ELAPOR2: variants seen among roughly 807,000 people sequenced by gnomAD.
ELAPOR2 encodes the protein endosome-lysosome associated apoptosis and autophagy regulator family member 2, also known as endosome/lysosome-associated apoptosis and autophagy regulator family member 2.
Under a neutral mutation model 120.7 loss-of-function variants are expected in ELAPOR2, and 89 were observed. That is an observed-to-expected ratio of 0.74 (90% CI 0.62 to 0.88). The LOEUF (loss-of-function observed/expected upper bound fraction) is 0.88. ELAPOR2 is among the 40% of genes least tolerant of loss of function. The probability of loss-of-function intolerance (pLI) is 0.00; values close to 1 mark genes in which losing one functional copy is unlikely to be tolerated. For missense variants in ELAPOR2, 1,134 were observed against 1,251.6 expected (o/e 0.91, Z 1.42); for synonymous variants, 444 against 444.9 (o/e 1.00, Z 0.03).
intron 1 of ELAPOR2, among the ~76,000 whole-genome samples, chr7:86,986,633 T>C (rs1792750725): frequency 6.7e-6 from 1 of 149,798 alleles, no homozygotes; most frequent in African/African-American, 2.5e-5. Flanking sequence ...GAAATCCAAC[T>C]TACAAGGGAT....
At chr7:87,040,810 A>C (rs1210970601) in intron 1 of ELAPOR2, among the ~76,000 whole-genome samples, 2 of 152,134 alleles carry the variant, frequency 1.3e-5, no homozygotes, top group Non-Finnish European at 2.9e-5. Flanking sequence ...CAATCAAATT[A>C]CTCTGAGCTA....
At chr7:86,898,447 G>C (rs1251695550) in intron 18 of ELAPOR2, among the ~76,000 whole-genome samples, 1 of 149,362 alleles carries the variant, frequency 6.7e-6, no homozygotes, top group Non-Finnish European at 1.5e-5. Flanking sequence ...CCACATCCCT[G>C]AATACTCTAA....
intron 1 of ELAPOR2, among the ~76,000 whole-genome samples, chr7:86,998,851 G>GT (rs397942440): frequency 0.033 from 4,763 of 146,428 alleles, 124 homozygotes; most frequent in African/African-American, 0.069. Context: ...ATAGTTCCTT[G>GT]TTTTTTTTTT....
intron 10 of ELAPOR2, among the ~76,000 whole-genome samples, chr7:86,923,827 A>G (rs972557960): frequency 2.0e-5 from 3 of 152,124 alleles, no homozygotes; most frequent in Admixed American, 2.0e-4. Flanking sequence ...GAACATCTTC[A>G]TGAATAAAAA....
intron 1 of ELAPOR2, among the ~76,000 whole-genome samples, chr7:87,009,595 T>G (rs532450820): frequency 1.3e-5 from 2 of 152,266 alleles, no homozygotes; most frequent in South Asian, 4.1e-4. Context: ...AATGGCTATT[T>G]CAAAAATAAA....
intron 1 of ELAPOR2, 146 bp from the exon 2 acceptor site, chr7:86,965,170 T>A: frequency 2.6e-6 from 2 of 765,572 alleles, no homozygotes; most frequent in Non-Finnish European, 4.3e-6. Context: ...ACCAAGCAGC[T>A]TATTGATCAA....
chr7:87,058,577 C>T (rs1000200146), intron 1 of ELAPOR2, among the ~76,000 whole-genome samples: 4 of 152,146 alleles, frequency 2.6e-5, no homozygotes, highest in African/African-American at 9.7e-5. Flanking sequence ...AAAATCTCAT[C>T]TCCCATAGTT....
Position 86,986,237 on chromosome 7 carries a change from G to A in ELAPOR2, c.190-21213C>T, listed in dbSNP as rs1422285548. Among the ~76,000 whole-genome samples, 32 of 119,458 alleles carry A rather than the reference G, an allele frequency of 2.7e-4. 9 individuals carry two copies. The highest frequency in any genetic ancestry group is 1.0e-3 in the African/African-American group (27 of 26,084). The allele number at this position is 119,458 out of a possible 152,430, so 78.4% of individuals were successfully genotyped here. On this transcript the variant is annotated intron_variant, in intron 1 of 21. Transcript: ENST00000450689. Reference sequence around the variant, plus strand: ...GAGGTCAGGAGATCGAGACCATCCCGGCTAAAATGGTGAAACCCCGTCTCT... The same window carrying A: ...GAGGTCAGGAGATCGAGACCATCCCAGCTAAAATGGTGAAACCCCGTCTCT...
intron 2 of ELAPOR2, among the ~76,000 whole-genome samples, chr7:86,948,392 C>T (rs1384907014): frequency 6.6e-6 from 1 of 152,138 alleles, no homozygotes; most frequent in Non-Finnish European, 1.5e-5. Flanking sequence ...AGTGGATAAG[C>T]ACATATTAAG....
At chr7:86,910,025 A>G (rs760183044) in intron 15 of ELAPOR2, 24 bp from the exon 16 acceptor site, 10 of 1,575,500 alleles carry the variant, frequency 6.3e-6, no homozygotes, top group Non-Finnish European at 8.7e-6. Flanking sequence ...GTCATAAAAG[A>G]AAGGTTTTAT....
chr7:87,034,747 CA>C (rs780848533), intron 1 of ELAPOR2, among the ~76,000 whole-genome samples: 5 of 152,080 alleles, frequency 3.3e-5, no homozygotes, highest in Non-Finnish European at 7.4e-5. Context: ...TGTGTTTTTA[CA>C]CTGTAGCATT....
chr7:86,953,987 T>A (rs1025899835), intron 2 of ELAPOR2, among the ~76,000 whole-genome samples: 2 of 152,318 alleles, frequency 1.3e-5, no homozygotes, highest in African/African-American at 4.8e-5. Flanking sequence ...TTTCTGACAT[T>A]TATTTCTGCT....
At chr7:86,887,484 G>A (rs1034892726) in intron 21 of ELAPOR2, among the ~76,000 whole-genome samples, 1 of 151,882 alleles carries the variant, frequency 6.6e-6, no homozygotes, top group Non-Finnish European at 1.5e-5. Context: ...AACTGTTCAG[G>A]GTATGGTGTT....
At chr7:87,029,317 T>C (rs553649583) in intron 1 of ELAPOR2, among the ~76,000 whole-genome samples, 5 of 152,192 alleles carry the variant, frequency 3.3e-5, no homozygotes, top group African/African-American at 9.7e-5. Context: ...AATGGCACTT[T>C]GAAATATAGC....
intron 19 of ELAPOR2, 117 bp downstream of exon 19, chr7:86,897,389 T>C: frequency 8.0e-7 from 1 of 1,255,476 alleles, no homozygotes; most frequent in Non-Finnish European, 1.1e-6. Flanking sequence ...TGCCTACCAA[T>C]GTAACATTAA....
At chr7:87,000,071 G>A (rs1220573696) in intron 1 of ELAPOR2, among the ~76,000 whole-genome samples, 1 of 152,090 alleles carries the variant, frequency 6.6e-6, no homozygotes, top group East Asian at 1.9e-4. Flanking sequence ...AACGCTGCAT[G>A]AACTGTGGAA....
intron 1 of ELAPOR2, among the ~76,000 whole-genome samples, chr7:86,990,399 T>C (rs1792905113): frequency 6.6e-6 from 1 of 152,072 alleles, no homozygotes; most frequent in Non-Finnish European, 1.5e-5. Flanking sequence ...GTGGTGGCTC[T>C]ATAAGAGGAG....
Position 86,964,897 on chromosome 7 carries a change from A to C in ELAPOR2, c.310+7T>G. ...AGAAAACAAATGGTCAAAATGACAA[A>C]ACATACTGCATTCTTTGCCTCTCAC... On this transcript the variant is annotated splice_region_variant and intron_variant, in intron 2 of 21. Coordinates refer to ENST00000450689, the MANE Select transcript of ELAPOR2 (RefSeq NM_001142749.3). 1.9e-6 allele frequency: 3 copies of C among 1,551,426 alleles called. No homozygotes were observed. The highest frequency in any genetic ancestry group is 1.4e-5 in the African/African-American group (1 of 73,146).
At chr7:86,903,522 A>C (rs183218781) in intron 18 of ELAPOR2, among the ~76,000 whole-genome samples, 1 of 152,208 alleles carries the variant, frequency 6.6e-6, no homozygotes, top group African/African-American at 2.4e-5. Context: ...AAATGGATAC[A>C]TATTTTGGTT....
Sources: allele counts gnomAD v4.1 joint callset (sites outside exome capture counted in the v4.1 genomes callset), GRCh38; gene constraint gnomAD v4.1.1; transcripts MANE v1.5; gene names NCBI Gene and HGNC (gene_info 2026-07-23, HGNC 2026-07-21).